The following PNPLA8 variants were observed in gnomAD, a reference collection of about 807,000 sequenced individuals.
PNPLA8 encodes patatin like domain 8, phospholipase A2, also known as calcium-independent phospholipase A2-gamma.
A neutral mutation model predicts 76.9 loss-of-function variants in PNPLA8; 39 were observed. The ratio of observed to expected loss-of-function variants is 0.51; its 90% CI spans 0.39 to 0.66. The LOEUF (loss-of-function observed/expected upper bound fraction) is 0.66. Among genes scored for constraint, PNPLA8 ranks in the 30% least tolerant of loss-of-function variants. PNPLA8 has a pLI of 0.00. For missense variants in PNPLA8, 887 were observed against 918.0 expected, an observed-to-expected ratio of 0.97 and a Z score of 0.44; for synonymous variants, 301 against 307.9, an observed-to-expected ratio of 0.98 and a Z score of 0.24.
chr7:108,506,143 C>T (rs753293542), intron 4 of PNPLA8, among the ~76,000 whole-genome samples: 25 of 152,072 alleles, frequency 1.6e-4, no homozygotes, highest in Admixed American at 3.3e-4. Context: ...TTTGGGAGGC[C>T]GAAGTGGGCA....
rs757013600 is a variant in PNPLA8 at position 108,472,674 on chromosome 7, T to C, written c.2076A>G (p.Glu692=). ...NVINSATDTE[E]VHIMLDGLLP... ...ACAGGCCATCAAGCATTATATGGAC[T>C]TCTGTTAAAGCAAAAAAGAAAAGGA... The change falls in exon 11 of 11, where the codon GAA becomes GAG. Residue 692 remains glutamate, a splice_region_variant and synonymous_variant. Coordinates refer to ENST00000257694, the MANE Select transcript of PNPLA8 (RefSeq NM_001256007.3). 17 of 1,565,958 alleles carry C rather than the reference T, an allele frequency of 1.1e-5. No individual in the cohort carries two copies. The highest frequency in any genetic ancestry group is 1.7e-6 in the Non-Finnish European group (2 of 1,162,650).
intron 10 of PNPLA8, among the ~76,000 whole-genome samples, chr7:108,475,179 C>G (rs1340761163): frequency 1.3e-5 from 2 of 152,110 alleles, no homozygotes; most frequent in African/African-American, 4.8e-5. Flanking sequence ...ATAAGACCAT[C>G]TAGTTGGAGG....
In PNPLA8 at chr7:108,520,021, C is replaced by T. The variant is rs562129983; in HGVS notation, c.-84+1455G>A. Among the ~76,000 whole-genome samples the T allele has an allele frequency of 3.9e-5, 6 of 152,282 alleles. No individual in the cohort carries two copies. In the East Asian group the frequency reaches 1.2e-3, roughly 29 times the overall value. On this transcript the variant is annotated intron_variant, in intron 2 of 10. Transcript: ENST00000257694. ...AGTTATTGCCGCTCGAGAGAATTACCTCCATTCACCATCTTTCCTTCCCCT... is the reference window on the plus strand; with the variant it reads ...AGTTATTGCCGCTCGAGAGAATTACTTCCATTCACCATCTTTCCTTCCCCT...
intron 9 of PNPLA8, among the ~76,000 whole-genome samples, chr7:108,483,610 T>C (rs1025968143): frequency 1.3e-5 from 2 of 152,234 alleles, no homozygotes; most frequent in Admixed American, 1.3e-4. Context: ...TGCTGAGTAA[T>C]ATTTCATTGT....
chr7:108,477,937 T>C (rs1860115549), intron 10 of PNPLA8, among the ~76,000 whole-genome samples: 1 of 152,174 alleles, frequency 6.6e-6, no homozygotes, highest in Non-Finnish European at 1.5e-5. Flanking sequence ...ATGCCTACTA[T>C]ATGCCAGGCA....
At position 108,514,657 on chromosome 7, in the gene PNPLA8, G is replaced by A. The variant is rs1447825362; in HGVS notation, c.835C>T (p.Leu279Phe). The change falls in exon 3 of 11, where the codon CTT becomes TTT. Residue 279 changes from leucine (L) to phenylalanine (F), a missense_variant. Leu to Phe is a conservative substitution (Grantham distance 22, BLOSUM62 0). Transcript: ENST00000257694. Reference protein sequence around the residue: ...PTSPSAIPDVLQVSTKQSIAN... With the variant: ...PTSPSAIPDVFQVSTKQSIAN... The stretch of plus-strand genomic sequence containing the variant: ...ATACTTTGTTTAGTTGAAACTTGAA[G>A]AACATCAGGTATCGCAGAAGGACTT... 4 of 1,613,802 alleles carry A rather than the reference G, an allele frequency of 2.5e-6. No individual in the cohort carries two copies. Among genetic ancestry groups the A allele is most frequent in the Non-Finnish European group, 3.4e-6 (4 of 1,179,814 alleles).
At chr7:108,505,356 T>A (rs1224278691) in intron 4 of PNPLA8, among the ~76,000 whole-genome samples, 41 of 39,224 alleles carry the variant, frequency 1.0e-3, no homozygotes, top group Non-Finnish European at 1.6e-3. Context: ...ATATATATTT[T>A]TTTTTTTTTT....
intron 10 of PNPLA8, among the ~76,000 whole-genome samples, chr7:108,473,808 G>A (rs1859790406): frequency 6.6e-6 from 1 of 152,136 alleles, no homozygotes; most frequent in Non-Finnish European, 1.5e-5. Flanking sequence ...GGGCTCAAGT[G>A]ATCCTCCTGC....
At chr7:108,501,105 T>C (rs547212945) in intron 5 of PNPLA8, among the ~76,000 whole-genome samples, 1 of 151,742 alleles carries the variant, frequency 6.6e-6, no homozygotes, top group Non-Finnish European at 1.5e-5. Context: ...TACAGAAGAG[T>C]GGTTGGCAAG....
intron 4 of PNPLA8, among the ~76,000 whole-genome samples, chr7:108,511,241 C>G (rs1210063214): frequency 2.0e-5 from 3 of 152,122 alleles, no homozygotes; most frequent in Non-Finnish European, 2.9e-5. Context: ...TTCTGCAACT[C>G]TAATGAAATT....
At chr7:108,476,951 C>A (rs1430403631) in intron 10 of PNPLA8, among the ~76,000 whole-genome samples, 1 of 151,840 alleles carries the variant, frequency 6.6e-6, no homozygotes, top group Non-Finnish European at 1.5e-5. Flanking sequence ...CTAAAAAAAA[C>A]AGAGGAGAAT....
chr7:108,503,460 AT>A (rs1286567262), intron 4 of PNPLA8, among the ~76,000 whole-genome samples: 3 of 152,148 alleles, frequency 2.0e-5, no homozygotes, highest in Middle Eastern at 3.4e-3. Flanking sequence ...CTTTCTCAAT[AT>A]TTTTTCCCCT....
In PNPLA8 at chr7:108,515,022, A is replaced by G; in HGVS notation, c.470T>C (p.Leu157Pro). 1.9e-6 allele frequency: 3 copies of G among 1,607,380 alleles called. No individual in the cohort carries two copies. The highest frequency in any genetic ancestry group is 2.5e-6 in the Non-Finnish European group (3 of 1,179,622). ...TGCTGATTTGTCACTATATTTTTTC[A>G]GAGATTTGATGGCTTGTTTGATGTT... is the stretch of plus-strand genomic sequence containing the variant. The part of the protein sequence containing the change: ...QKNIKQAIKS[L>P]KKYSDKSAEK... The change falls in exon 3 of 11, where the codon CTG becomes CCG. Residue 157 changes from leucine to proline, a missense_variant. By Grantham distance (98) the Leu-to-Pro change is moderately conservative. Transcript: ENST00000257694.
At position 108,514,558 on chromosome 7, in the gene PNPLA8, T is replaced by A; in HGVS notation, c.934A>T (p.Lys312Ter). The stretch of plus-strand genomic sequence containing the variant: ...TGACTCTTTGAATCATACTTTAATT[T>A]GGGGACAAGTCCACCAATATAACCA... ...VGGYIGGLVP[K>*]LKYDSKSQSE... is the part of the protein sequence containing the mutation. The change falls in exon 3 of 11, where the codon AAA becomes TAA. Residue 312 changes from lysine (K) to a stop codon, truncating the protein, a stop_gained. Transcript: ENST00000257694. LOFTEE classifies it high-confidence loss of function. 2 of 1,614,082 alleles carry A rather than the reference T, an allele frequency of 1.2e-6. No homozygotes were observed. The highest frequency in any genetic ancestry group is 1.7e-6 in the Non-Finnish European group (2 of 1,179,948).
chr7:108,507,104 C>T (rs1026200643), intron 4 of PNPLA8, among the ~76,000 whole-genome samples: 17 of 151,844 alleles, frequency 1.1e-4, no homozygotes, highest in Admixed American at 2.6e-4. Flanking sequence ...GCACTTTGGG[C>T]GGCCGAGGCA....
chr7:108,508,624 C>T (rs571266583), intron 4 of PNPLA8, among the ~76,000 whole-genome samples: 16,339 of 101,190 alleles, frequency 0.16, 1,357 homozygotes, highest in East Asian at 0.28. Context: ...AGATTCAATG[C>T]CATCCCCATC....
Position 108,515,393 on chromosome 7 carries a change from G to A in PNPLA8, c.99C>T (p.Phe33=). 1 of 1,612,134 alleles carries A rather than the reference G, an allele frequency of 6.2e-7. No homozygotes were observed. Among genetic ancestry groups the A allele is most frequent in the Non-Finnish European group, 8.5e-7 (1 of 1,178,990 alleles). ...KQRSKQLYFL[F]SPKHYWRISH... ...TTATCCTCCAGTAATGCTTAGGTGA[G>A]AACAAGAAATACAGTTGCTTGCTTC... The change falls in exon 3 of 11, where the codon TTC becomes TTT. Residue 33 remains phenylalanine (F), a synonymous_variant. Coordinates refer to ENST00000257694, the MANE Select transcript of PNPLA8 (RefSeq NM_001256007.3).
At chr7:108,525,584 C>G (rs1156907690) in intron 1 of PNPLA8, among the ~76,000 whole-genome samples, 2 of 152,200 alleles carry the variant, frequency 1.3e-5, no homozygotes, top group African/African-American at 4.8e-5. Flanking sequence ...AAAGAGATTA[C>G]TGACAAAAAA....
intron 5 of PNPLA8, among the ~76,000 whole-genome samples, chr7:108,499,541 C>T (rs961365911): frequency 6.6e-6 from 1 of 152,176 alleles, no homozygotes; most frequent in Non-Finnish European, 1.5e-5. Flanking sequence ...ACAGCAGAAC[C>T]GCTGACATTC....
Sources: allele counts gnomAD v4.1 joint callset (sites outside exome capture counted in the v4.1 genomes callset), GRCh38; gene constraint gnomAD v4.1.1; transcripts MANE v1.5; gene names NCBI Gene and HGNC (gene_info 2026-07-23, HGNC 2026-07-21).